MAP2K7: variants seen among roughly 807,000 people sequenced by gnomAD.
MAP2K7 encodes dual specificity mitogen-activated protein kinase kinase 7.
In MAP2K7, 12 loss-of-function variants were observed where a neutral mutation model predicts 47.7. The ratio of observed to expected loss-of-function variants is 0.25; its 90% confidence interval spans 0.16 to 0.41. The LOEUF (loss-of-function observed/expected upper bound fraction) is 0.41. Ranked by LOEUF, MAP2K7 falls within the 10% of genes least tolerant of loss-of-function variation. MAP2K7 has a pLI of 1.00. For synonymous variants in MAP2K7, 299 were observed against 243.0 expected, an observed-to-expected ratio of 1.23 and a Z score of -2.14; for missense variants, 415 against 600.3, an observed-to-expected ratio of 0.69 and a Z score of 3.23.
At chr19:7,904,390 G>T in intron 1 of MAP2K7, 1 of 298,558 alleles carries the variant, frequency 3.3e-6, no homozygotes, top group South Asian at 2.5e-5. Flanking sequence ...CCACATCCAG[G>T]TCGCCCCGAA....
chr19:7,912,485 C>T lies in MAP2K7; in HGVS notation c.*54C>T. On this transcript the variant is annotated 3_prime_UTR_variant, in exon 11 of 11. Coordinates refer to ENST00000397979, the MANE Select transcript of MAP2K7 (RefSeq NM_145185.4). ...GGCCAGGGGCATGGCCACAGGCCCC[C>T]CTCCCCACTTGGCCACCCAGCTGCC... 4.5e-6 allele frequency: 7 copies of T among 1,549,672 alleles called. No homozygotes were observed. The highest frequency in any genetic ancestry group is 1.2e-5 in the South Asian group (1 of 85,628).
In MAP2K7 at chr19:7,912,296, G is replaced by A; in HGVS notation, c.1126-1G>A. On this transcript the variant is annotated splice_acceptor_variant, in intron 10 of 10. Coordinates refer to ENST00000397979, the MANE Select transcript of MAP2K7 (RefSeq NM_145185.4). LOFTEE classifies it high-confidence loss of function. ...TAAGCCCCACCCCCTCGGGCCCACA[G>A]GAACACAGCTTCATCAAGCGCTACG... 6.2e-7 allele frequency: 1 copy of A among 1,613,746 alleles called. No homozygotes were observed. The highest frequency in any genetic ancestry group is 8.5e-7 in the Non-Finnish European group (1 of 1,179,952).
intron 1 of MAP2K7, 37 bp downstream of exon 1, chr19:7,904,105 G>T: frequency 1.9e-6 from 1 of 530,658 alleles, no homozygotes; most frequent in South Asian, 6.0e-5. Flanking sequence ...GCGGGCGGGC[G>T]GGGCGGGGCG....
chr19:7,907,392 G>C (rs1023519219), intron 1 of MAP2K7, among the ~76,000 whole-genome samples: 1 of 152,162 alleles, frequency 6.6e-6, no homozygotes, highest in African/African-American at 2.4e-5. Context: ...GGTGTGTGTT[G>C]TGCGTGCGTG....
chr19:7,907,541 C>A (rs147385772), intron 1 of MAP2K7, among the ~76,000 whole-genome samples: 1 of 152,238 alleles, frequency 6.6e-6, no homozygotes, highest in Non-Finnish European at 1.5e-5. Flanking sequence ...TCTCACTCCA[C>A]CCTCCTGAGC....
At chr19:7,910,635 G>A (rs1982772218) in intron 5 of MAP2K7, 61 bp from the exon 6 acceptor site, 1 of 1,609,916 alleles carries the variant, frequency 6.2e-7, no homozygotes, top group South Asian at 1.1e-5. Flanking sequence ...TTCCTAGGGA[G>A]CAGAGCCTCT....
Position 7,910,727 on chromosome 19 carries a change from G to T in MAP2K7, c.599G>T (p.Gly200Val). The change falls in exon 6 of 11, where the codon GGC (glycine) becomes GTC (valine). Residue 200 changes from glycine (G) to valine (V), a missense_variant. Gly to Val is a moderately radical substitution (Grantham distance 109, BLOSUM62 -3). This residue lies in a region of MAP2K7 where 206 missense variants were observed against 368.8 expected (regional missense o/e 0.56). Coordinates refer to ENST00000397979, the MANE Select transcript of MAP2K7 (RefSeq NM_145185.4). Reference sequence around the variant, plus strand: ...GTCTTCATCGCCATGGAGCTCATGGGCACCTGCGCTGAGAAGCTCAAGAAG... The same window carrying T: ...GTCTTCATCGCCATGGAGCTCATGGTCACCTGCGCTGAGAAGCTCAAGAAG... ...TDVFIAMELM[G>V]TCAEKLKKRM... 1 of 1,611,426 alleles carries T rather than the reference G, an allele frequency of 6.2e-7. No individual in the cohort carries two copies. Among genetic ancestry groups the T allele is most frequent in the Non-Finnish European group, 8.5e-7 (1 of 1,179,170 alleles).
chr19:7,912,811 C>T lies in MAP2K7; in HGVS notation c.*380C>T, dbSNP rs1017905013. The T allele has an allele frequency of 2.0e-5, 5 of 248,856 alleles. No individual in the cohort carries two copies. Among genetic ancestry groups the T allele is most frequent in the Middle Eastern group, 1.5e-3 (1 of 672 alleles). 15.4% of individuals were successfully genotyped at this position (248,856 alleles called of 1,614,324 possible). A position where few individuals can be genotyped will look rare whatever the true frequency, so the allele number is the denominator to read the frequency against. ...CGTGCTGTGTCCTTCGCCACTCCCA[C>T]GCGCCCGTTCCTCTTCCGTCGCCCT... On this transcript the variant is annotated 3_prime_UTR_variant, in exon 11 of 11. Coordinates refer to ENST00000397979, the MANE Select transcript of MAP2K7 (RefSeq NM_145185.4).
chr19:7,911,208 G>A lies in MAP2K7; in HGVS notation c.856-42G>A, dbSNP rs775067457. ...GGAGGGGGTGGGGGCTGGGAGGCCG[G>A]CCCCAGCCTTGGAGATACGTCTTCT... On this transcript the variant is annotated intron_variant, in intron 7 of 10. Coordinates refer to ENST00000397979, the MANE Select transcript of MAP2K7 (RefSeq NM_145185.4). The A allele has an allele frequency of 1.3e-5, 21 of 1,607,392 alleles. 1 individual carries two copies. The highest frequency in any genetic ancestry group is 3.3e-5 in the Admixed American group (2 of 59,876).
At chr19:7,908,613 G>A (rs550079916) in intron 1 of MAP2K7, among the ~76,000 whole-genome samples, 22 of 152,250 alleles carry the variant, frequency 1.4e-4, no homozygotes, top group Non-Finnish European at 3.1e-4. Context: ...GTTGGCTGAG[G>A]GCTTTGGAGA....
Position 7,912,559 on chromosome 19 carries a change from A to AC in MAP2K7, c.*128_*129insC. 1 of 1,163,498 alleles carries AC rather than the reference A, an allele frequency of 8.6e-7. No homozygotes were observed. Among genetic ancestry groups the AC allele is most frequent in the Non-Finnish European group, 1.2e-6 (1 of 851,574 alleles). The allele number at this position is 1,163,498 out of a possible 1,614,324, so 72.1% of individuals were successfully genotyped here. A position where few individuals can be genotyped will look rare whatever the true frequency, so the allele number is the denominator to read the frequency against. ...GACGGCCACCTAGGACTGAGGACAG[A>AC]GAGTGGGGGGTGCCCACCCACCCCC... On this transcript the variant is annotated 3_prime_UTR_variant, in exon 11 of 11. Coordinates refer to ENST00000397979, the MANE Select transcript of MAP2K7 (RefSeq NM_145185.4).
At chr19:7,910,651 G>A (rs372815887) in intron 5 of MAP2K7, 45 bp from the exon 6 acceptor site, 13 of 1,607,780 alleles carry the variant, frequency 8.1e-6, no homozygotes, top group African/African-American at 2.7e-5. Flanking sequence ...CCTCTGGGGG[G>A]TGGGCCGGAA....
rs1798700704 is a variant in MAP2K7, at chr19:7,907,775, G to A, written c.125-1980G>A. On this transcript the variant is annotated intron_variant, in intron 1 of 10. Coordinates refer to ENST00000397979, the MANE Select transcript of MAP2K7 (RefSeq NM_145185.4). ...GAGGGCTGTGGTCGTCAACCGCTGA[G>A]TGCAGGGTGTGAGCGGGACTCGGAT... is the stretch of plus-strand genomic sequence containing the variant. Among the ~76,000 whole-genome samples, 4 of 152,300 alleles carry A rather than the reference G, an allele frequency of 2.6e-5. No individual in the cohort carries two copies. In the South Asian group the frequency reaches 6.2e-4, roughly 24 times the overall value.
rs533132248 is a variant in MAP2K7, at chr19:7,904,068, A to G, written c.124A>G (p.Thr42Ala). ...TATCAGCCCCCAGCGGCCCAGGCCC[A>G]GTAAGCACGGCGGCGTGGGGGAGGG... ...LDISPQRPRP[T>A]LQLPLANDGG... Residue 42 changes from threonine (T) to alanine (A), a missense_variant and splice_region_variant, in exon 1 of 11, where the codon ACC becomes GCC. Physicochemically the swap from Thr to Ala is moderately conservative, Grantham distance 58 (BLOSUM62 0). Transcript: ENST00000397979. 7 of 1,021,614 alleles carry G rather than the reference A, an allele frequency of 6.9e-6. No homozygotes were observed. Among genetic ancestry groups the G allele is most frequent in the South Asian group, 1.9e-5 (1 of 53,428 alleles). 63.3% of individuals were successfully genotyped at this position (1,021,614 alleles called of 1,614,324 possible).
intron 2 of MAP2K7, 22 bp from the exon 3 acceptor site, chr19:7,910,041 G>A (rs779786647): frequency 6.3e-6 from 10 of 1,583,608 alleles, no homozygotes; most frequent in South Asian, 1.1e-5. Context: ...CACCTCCACC[G>A]GCACCTGCTC....
intron 1 of MAP2K7, among the ~76,000 whole-genome samples, chr19:7,907,391 TGTGC>T (rs995118922): frequency 1.3e-4 from 20 of 152,332 alleles, no homozygotes; most frequent in African/African-American, 4.8e-4. Context: ...GGGTGTGTGT[TGTGC>T]GTGCGTGCAC....
intron 10 of MAP2K7, 21 bp downstream of exon 10, chr19:7,912,215 A>G (rs549908417): frequency 6.2e-7 from 1 of 1,613,854 alleles, no homozygotes; most frequent in East Asian, 2.2e-5. Context: ...GAGCCCTCCC[A>G]GTCCCCGTCC....
chr19:7,912,610 G>T lies in MAP2K7; in HGVS notation c.*179G>T. The T allele has an allele frequency of 1.6e-6, 1 of 607,774 alleles. No individual in the cohort carries two copies. Among genetic ancestry groups the T allele is most frequent in the Non-Finnish European group, 2.5e-6 (1 of 404,710 alleles). The allele number at this position is 607,774 out of a possible 1,614,324, so 37.6% of individuals were successfully genotyped here. On this transcript the variant is annotated 3_prime_UTR_variant, in exon 11 of 11. Coordinates refer to ENST00000397979, the MANE Select transcript of MAP2K7 (RefSeq NM_145185.4). ...CCCGCCCCGGGCCTACCAAGCCCCC[G>T]CCCTTCCCACCCCGGGGTCAGCCGG...
chr19:7,912,179 G>C lies in MAP2K7; in HGVS notation c.1110G>C (p.Lys370Asn). ...CTAAAGATCACAGGAAGAGACCAAA[G>C]TATAATAAGCTACTTGTGAGTACCT... ...CLTKDHRKRP[K>N]YNKLLEHSFI... is the part of the protein sequence containing the mutation. Residue 370 changes from lysine to asparagine, a missense_variant, in exon 10 of 11, where the codon AAG becomes AAC. Lys to Asn is a moderately conservative substitution (Grantham distance 94, BLOSUM62 0). This residue lies in a region of MAP2K7 where 94 missense variants were observed against 105.2 expected (regional missense o/e 0.89). Transcript: ENST00000397979. The C allele has an allele frequency of 6.2e-7, 1 of 1,614,048 alleles. No homozygotes were observed. The highest frequency in any genetic ancestry group is 8.5e-7 in the Non-Finnish European group (1 of 1,179,986).
Sources: allele counts gnomAD v4.1 joint callset (sites outside exome capture counted in the v4.1 genomes callset), GRCh38; gene constraint gnomAD v4.1.1; regional missense constraint gnomAD v4.1.1; transcripts MANE v1.5; gene names NCBI Gene and HGNC (gene_info 2026-07-23, HGNC 2026-07-21).